The following ABCA4 variants were observed in gnomAD, a reference collection of about 807,000 sequenced individuals.
ABCA4 encodes the protein retinal-specific phospholipid-transporting ATPase ABCA4.
A neutral mutation model predicts 263.7 loss-of-function variants in ABCA4; 196 were observed. The observed-to-expected ratio is 0.74, with a 90% CI of 0.66 to 0.84. The LOEUF (loss-of-function observed/expected upper bound fraction) is 0.84, where lower values mean the gene tolerates loss of function less well. ABCA4 is among the 40% of genes least tolerant of loss of function. The pLI, the probability that ABCA4 is intolerant of heterozygous loss-of-function variation, is 0.00. For missense variants in ABCA4, 2,792 were observed against 2,855.1 expected (o/e 0.98, Z 0.50); for synonymous variants, 1,133 against 1,094.2 (o/e 1.04, Z -0.70).
At chr1:94,072,885 G>A (rs1441605445) in intron 11 of ABCA4, among the ~76,000 whole-genome samples, 1 of 152,148 alleles carries the variant, frequency 6.6e-6, no homozygotes, top group African/African-American at 2.4e-5. Context: ...TGTATTTATG[G>A]GGTGAATGAG....
intron 11 of ABCA4, among the ~76,000 whole-genome samples, chr1:94,073,450 A>G (rs1661459099): frequency 1.3e-5 from 1 of 79,934 alleles, no homozygotes; most frequent in Admixed American, 1.4e-4. Flanking sequence ...TACAGGAGGC[A>G]CTAACATCAT....
At chr1:94,008,910 C>T (rs754295560) in intron 40 of ABCA4, 39 bp from the exon 41 acceptor site, 10 of 1,607,438 alleles carry the variant, frequency 6.2e-6, no homozygotes, top group South Asian at 1.1e-5. Context: ...GCTGGCTGTA[C>T]AGTGTCCTTG....
intron 48 of ABCA4, 111 bp downstream of exon 48, chr1:93,997,750 A>G: frequency 1.4e-6 from 2 of 1,397,184 alleles, no homozygotes; most frequent in African/African-American, 1.4e-5. Flanking sequence ...AGAGGGCAAG[A>G]GTTTGTTAAA....
chr1:94,014,711 C>CA, intron 37 of ABCA4, 21 bp from the exon 38 acceptor site: 4 of 1,614,078 alleles, frequency 2.5e-6, no homozygotes, highest in Non-Finnish European at 3.4e-6. Flanking sequence ...TGAGACAACT[C>CA]AGAGTGATGG....
intron 4 of ABCA4, among the ~76,000 whole-genome samples, 175 bp from the exon 5 acceptor site, chr1:94,103,317 C>T (rs1033440525): frequency 6.6e-6 from 1 of 152,190 alleles, no homozygotes; most frequent in Non-Finnish European, 1.5e-5. Context: ...GCCCCCAACA[C>T]ATTGACTGCT....
chr1:94,103,948 G>A (rs4147819), intron 4 of ABCA4, among the ~76,000 whole-genome samples: 13,819 of 152,208 alleles, frequency 0.091, 751 homozygotes, highest in East Asian at 0.21. Flanking sequence ...AACAGTTAAG[G>A]TGACCTTGGG....
At chr1:93,998,525 A>G (rs189976659) in intron 47 of ABCA4, among the ~76,000 whole-genome samples, 1 of 152,114 alleles carries the variant, frequency 6.6e-6, no homozygotes, top group African/African-American at 2.4e-5. Flanking sequence ...AGAACAACAA[A>G]AAAAGAAATA....
At position 94,043,359 on chromosome 1, in the gene ABCA4, T is replaced by C. The variant is rs1489203291; in HGVS notation, c.3167A>G (p.Asn1056Ser). 4.3e-6 allele frequency: 7 copies of C among 1,614,028 alleles called. No homozygotes were observed. The highest frequency in any genetic ancestry group is 1.3e-5 in the African/African-American group (1 of 74,912). ...ACCTGATAGGTCCTGAGCCTCTTCATTCCGCTTGTGGTGGAGGCCTGTGTC... is the reference window on the plus strand; with the variant it reads ...ACCTGATAGGTCCTGAGCCTCTTCACTCCGCTTGTGGTGGAGGCCTGTGTC... ...LEDTGLHHKR[N>S]EEAQDLSGGM... Residue 1056 changes from asparagine (N) to serine (S), a missense_variant, in exon 21 of 50, where the codon AAT becomes AGT. By Grantham distance (46) the Asn-to-Ser change is conservative (BLOSUM62 1). Coordinates refer to ENST00000370225, the MANE Select transcript of ABCA4 (RefSeq NM_000350.3).
At chr1:94,001,589 C>T (rs1366425570) in intron 45 of ABCA4, 4 of 628,654 alleles carry the variant, frequency 6.4e-6, no homozygotes, top group East Asian at 3.4e-5. Flanking sequence ...CTGAACTTCC[C>T]GGCTGTGAGC....
chr1:93,999,480 A>T (rs1659115062), intron 47 of ABCA4, among the ~76,000 whole-genome samples: 2 of 152,222 alleles, frequency 1.3e-5, no homozygotes, highest in South Asian at 4.1e-4. Context: ...CACTTCCCTG[A>T]GGAAGCTTCC....
intron 38 of ABCA4, 115 bp from the exon 39 acceptor site, chr1:94,011,500 G>A: frequency 6.5e-7 from 1 of 1,538,972 alleles, no homozygotes; most frequent in Admixed American, 1.7e-5. Flanking sequence ...TGCAGACAGA[G>A]AGTCCTTGCA....
At chr1:94,036,075 C>A (rs1228566057) in intron 26 of ABCA4, among the ~76,000 whole-genome samples, 1 of 152,032 alleles carries the variant, frequency 6.6e-6, no homozygotes, top group African/African-American at 2.4e-5. Context: ...AAGGACTCTG[C>A]CAGCTGTCAC....
chr1:94,054,444 T>C (rs981531413), intron 16 of ABCA4, among the ~76,000 whole-genome samples: 5 of 151,158 alleles, frequency 3.3e-5, no homozygotes, highest in Non-Finnish European at 5.9e-5. Context: ...CTCTTCAGTC[T>C]GGAAAGATCC....
chr1:94,048,971 A>G lies in ABCA4; in HGVS notation c.2654-14T>C. 6.2e-7 allele frequency: 1 copy of G among 1,613,560 alleles called. No homozygotes were observed. The highest frequency in any genetic ancestry group is 8.5e-7 in the Non-Finnish European group (1 of 1,179,682). On this transcript the variant is annotated splice_polypyrimidine_tract_variant and intron_variant, in intron 17 of 49. Coordinates refer to ENST00000370225, the MANE Select transcript of ABCA4 (RefSeq NM_000350.3). ...TGGTTGAACACCCTGCACCAATCAG[A>G]AGCCAGTGTTACTCTACCACCGGGA...
rs540245761 is a variant in ABCA4 at position 94,066,595 on chromosome 1, T to C, written c.1555-3278A>G. 9.2e-5 allele frequency among the ~76,000 whole-genome samples: 14 copies of C among 152,370 alleles called. No individual in the cohort carries two copies. The East Asian group carries it at 9.7e-4, about 11-fold the overall frequency. ...GGGCTTGTGGTCTGATGTTCTTACT[T>C]GGCTGGTGAAGAAATTGGGATCAGA... On this transcript the variant is annotated intron_variant, in intron 11 of 49. Transcript: ENST00000370225.
At chr1:94,089,713 C>T (rs1049941417) in intron 6 of ABCA4, among the ~76,000 whole-genome samples, 5 of 152,030 alleles carry the variant, frequency 3.3e-5, no homozygotes, top group East Asian at 3.9e-4. Context: ...GCGTCTGCCT[C>T]GGCCTCCCAA....
At chr1:94,057,710 T>C (rs1661018832) in intron 14 of ABCA4, among the ~76,000 whole-genome samples, 1 of 152,256 alleles carries the variant, frequency 6.6e-6, no homozygotes, top group Admixed American at 6.5e-5. Context: ...AATCAATCAC[T>C]TTGGCTATGT....
chr1:94,050,379 C>A (rs1290653467), intron 17 of ABCA4, among the ~76,000 whole-genome samples: 1 of 152,172 alleles, frequency 6.6e-6, no homozygotes, highest in Admixed American at 6.5e-5. Context: ...GTCTCCTGGG[C>A]TCCATTTTTT....
intron 24 of ABCA4, among the ~76,000 whole-genome samples, 162 bp downstream of exon 24, chr1:94,039,881 G>C (rs1291062972): frequency 6.6e-6 from 1 of 152,212 alleles, no homozygotes; most frequent in Non-Finnish European, 1.5e-5. Context: ...AAGGAAGAAG[G>C]AAGAGGAGAA....
Sources: allele counts gnomAD v4.1 joint callset (sites outside exome capture counted in the v4.1 genomes callset), GRCh38; gene constraint gnomAD v4.1.1; transcripts MANE v1.5; gene names NCBI Gene and HGNC (gene_info 2026-07-23, HGNC 2026-07-21).